ADAMTS12: variants seen among roughly 807,000 people sequenced by gnomAD.
ADAMTS12 encodes ADAM metallopeptidase with thrombospondin type 1 motif 12.
In ADAMTS12, 118 loss-of-function variants were observed where a neutral mutation model predicts 167.8. That is an observed-to-expected ratio of 0.70 (90% CI 0.61 to 0.82). The LOEUF (loss-of-function observed/expected upper bound fraction) is 0.82, where lower values mean the gene tolerates loss of function less well. Among genes scored for constraint, ADAMTS12 ranks in the 40% least tolerant of loss-of-function variants. ADAMTS12 has a pLI of 0.00. For missense variants in ADAMTS12, 1,916 were observed against 1,998.8 expected (o/e 0.96, Z 0.79); for synonymous variants, 704 against 716.9 (o/e 0.98, Z 0.29).
intron 2 of ADAMTS12, among the ~76,000 whole-genome samples, chr5:33,850,856 C>T (rs10074574): frequency 0.038 from 5,716 of 152,184 alleles, 373 homozygotes; most frequent in African/African-American, 0.13. Context: ...AACTATATAC[C>T]TAATTTTGCA....
chr5:33,630,893 A>G lies in ADAMTS12; in HGVS notation c.1909T>C (p.Cys637Arg). Residue 637 changes from cysteine to arginine, a missense_variant, in exon 13 of 24, where the codon TGC becomes CGC. Coordinates refer to ENST00000504830, the MANE Select transcript of ADAMTS12 (RefSeq NM_030955.4). ...FNPAHPCELY[C>R]RPIDGQFSEK... is the part of the protein sequence containing the mutation. ...GAAAACTGGCCATCTATGGGTCGGC[A>G]GTAGAGCTCACAAGGATGTGCTGAA... The G allele has an allele frequency of 6.2e-7, 1 of 1,613,590 alleles. No individual in the cohort carries two copies. Among genetic ancestry groups the G allele is most frequent in the Non-Finnish European group, 8.5e-7 (1 of 1,179,640 alleles).
intron 12 of ADAMTS12, among the ~76,000 whole-genome samples, chr5:33,631,803 C>T (rs950673007): frequency 3.3e-5 from 5 of 152,110 alleles, no homozygotes; most frequent in African/African-American, 1.2e-4. Flanking sequence ...ATAATGTCTT[C>T]TTTGGCAGGG....
chr5:33,875,391 G>C (rs140413864), intron 2 of ADAMTS12, among the ~76,000 whole-genome samples: 84 of 152,316 alleles, frequency 5.5e-4, no homozygotes, highest in African/African-American at 1.9e-3. Flanking sequence ...TCCGGTGGGG[G>C]ATGTTGAAAA....
At chr5:33,869,143 C>A (rs534027616) in intron 2 of ADAMTS12, among the ~76,000 whole-genome samples, 1 of 152,194 alleles carries the variant, frequency 6.6e-6, no homozygotes, top group South Asian at 2.1e-4. Context: ...TGGGCCAGGC[C>A]CAGGGCACTA....
At chr5:33,881,504 G>A (rs762527995) in intron 1 of ADAMTS12, 24 bp from the exon 2 acceptor site, 1 of 1,601,354 alleles carries the variant, frequency 6.2e-7, no homozygotes, top group East Asian at 2.2e-5. Flanking sequence ...AGAAATGGAA[G>A]AACAGTGAGG....
chr5:33,850,684 C>T (rs1453564287), intron 2 of ADAMTS12, among the ~76,000 whole-genome samples: 1 of 152,150 alleles, frequency 6.6e-6, no homozygotes, highest in African/African-American at 2.4e-5. Flanking sequence ...TATTATTTCT[C>T]ACCTTCATAT....
intron 5 of ADAMTS12, among the ~76,000 whole-genome samples, chr5:33,677,797 C>G (rs568453636): frequency 6.6e-6 from 1 of 152,294 alleles, no homozygotes; most frequent in South Asian, 2.1e-4. Context: ...TTGTATACGT[C>G]AGTTACCTCA....
chr5:33,528,372 C>T (rs944021541), intron 23 of ADAMTS12, among the ~76,000 whole-genome samples: 17 of 152,180 alleles, frequency 1.1e-4, no homozygotes, highest in Non-Finnish European at 2.1e-4. Flanking sequence ...CACTAAGGAA[C>T]GTGAGTTTTG....
intron 2 of ADAMTS12, among the ~76,000 whole-genome samples, chr5:33,760,709 G>C (rs1307456979): frequency 1.3e-5 from 2 of 152,198 alleles, no homozygotes; most frequent in African/African-American, 4.8e-5. Flanking sequence ...TGTTCTCAGG[G>C]ACAAGGGTGG....
chr5:33,582,629 G>A (rs541930700), intron 18 of ADAMTS12, among the ~76,000 whole-genome samples: 3 of 152,252 alleles, frequency 2.0e-5, no homozygotes, highest in African/African-American at 7.2e-5. Context: ...GTACTTTATC[G>A]ATTCTCAGTA....
At chr5:33,692,573 G>A (rs1469419597) in intron 3 of ADAMTS12, among the ~76,000 whole-genome samples, 1 of 152,130 alleles carries the variant, frequency 6.6e-6, no homozygotes, top group African/African-American at 2.4e-5. Flanking sequence ...GGTATTTTCT[G>A]TCACCCAAAA....
intron 3 of ADAMTS12, among the ~76,000 whole-genome samples, chr5:33,746,588 C>T (rs896492851): frequency 5.3e-5 from 8 of 152,126 alleles, no homozygotes; most frequent in Admixed American, 2.6e-4. Flanking sequence ...AAGAAATCCT[C>T]AGAGGCCAAA....
chr5:33,777,388 A>T (rs924796742), intron 2 of ADAMTS12, among the ~76,000 whole-genome samples: 15 of 152,172 alleles, frequency 9.9e-5, no homozygotes, highest in African/African-American at 3.6e-4. Flanking sequence ...AAAAATTTTT[A>T]AAAATATGAT....
At chr5:33,577,287 C>T in intron 18 of ADAMTS12, 127 bp from the exon 19 acceptor site, 1 of 1,355,730 alleles carries the variant, frequency 7.4e-7, no homozygotes, top group Non-Finnish European at 1.0e-6. Flanking sequence ...CTGCTATCTA[C>T]ATTTGGTTTC....
At chr5:33,665,316 C>T (rs1439209379) in intron 5 of ADAMTS12, among the ~76,000 whole-genome samples, 1 of 152,092 alleles carries the variant, frequency 6.6e-6, no homozygotes, top group African/African-American at 2.4e-5. Flanking sequence ...ATCTATTGTA[C>T]AACATGGTGA....
intron 1 of ADAMTS12, among the ~76,000 whole-genome samples, chr5:33,889,082 G>A (rs1013011122): frequency 2.0e-5 from 3 of 152,044 alleles, no homozygotes; most frequent in African/African-American, 7.3e-5. Context: ...CCTCGTGAAG[G>A]GGCATTTATT....
chr5:33,689,346 G>A (rs941824098), intron 3 of ADAMTS12, among the ~76,000 whole-genome samples: 1 of 151,148 alleles, frequency 6.6e-6, no homozygotes, highest in African/African-American at 2.4e-5. Flanking sequence ...GCATGGAGAT[G>A]GGGATGGGGT....
At chr5:33,657,734 T>C (rs1579806775) in intron 7 of ADAMTS12, among the ~76,000 whole-genome samples, 1 of 152,304 alleles carries the variant, frequency 6.6e-6, no homozygotes, top group Non-Finnish European at 1.5e-5. Context: ...GTACCATCTA[T>C]TTCAAGAGGT....
intron 2 of ADAMTS12, among the ~76,000 whole-genome samples, chr5:33,851,166 A>G (rs1749207079): frequency 6.6e-6 from 1 of 152,230 alleles, no homozygotes; most frequent in Admixed American, 6.5e-5. Flanking sequence ...TAATCCCAGC[A>G]CTTTGGGAGG....
Sources: allele counts gnomAD v4.1 joint callset (sites outside exome capture counted in the v4.1 genomes callset), GRCh38; gene constraint gnomAD v4.1.1; transcripts MANE v1.5; gene names NCBI Gene and HGNC (gene_info 2026-07-23, HGNC 2026-07-21).